The following PTPRF variants were observed in gnomAD, a reference collection of about 807,000 sequenced individuals.
PTPRF encodes the protein protein tyrosine phosphatase receptor type F.
A neutral mutation model predicts 201.8 loss-of-function variants in PTPRF; 59 were observed. The observed-to-expected ratio is 0.29, with a 90% CI of 0.24 to 0.36. PTPRF has a LOEUF of 0.36. PTPRF is among the 10% of genes least tolerant of loss of function. The probability of loss-of-function intolerance (pLI) is 1.00; values close to 1 mark genes in which losing one functional copy is unlikely to be tolerated. For missense variants in PTPRF, 2,132 were observed against 2,690.5 expected (o/e 0.79, Z 4.59); for synonymous variants, 1,088 against 1,089.7 (o/e 1.00, Z 0.03).
At chr1:43,548,339 G>A (rs367585369) in intron 3 of PTPRF, among the ~76,000 whole-genome samples, 7 of 151,940 alleles carry the variant, frequency 4.6e-5, no homozygotes, top group African/African-American at 1.7e-4. Flanking sequence ...GGTGGGTGGC[G>A]GGTGGGTTGA....
At chr1:43,599,381 G>A (rs564356827) in intron 13 of PTPRF, among the ~76,000 whole-genome samples, 3 of 152,166 alleles carry the variant, frequency 2.0e-5, no homozygotes, top group East Asian at 1.9e-4. Context: ...CCACCAGGTC[G>A]GGGTTTTGAG....
intron 22 of PTPRF, among the ~76,000 whole-genome samples, chr1:43,612,446 G>A (rs1656677640): frequency 6.6e-6 from 1 of 152,132 alleles, no homozygotes; most frequent in African/African-American, 2.4e-5. Flanking sequence ...GCAAATTTTG[G>A]TATCAAAAGG....
chr1:43,578,969 C>T (rs762347614), intron 7 of PTPRF, 49 bp downstream of exon 7: 2 of 1,561,834 alleles, frequency 1.3e-6, no homozygotes, highest in Non-Finnish European at 1.8e-6. Flanking sequence ...AGCTGTGCTG[C>T]ACCTGCCGGG....
At chr1:43,606,493 A>G in intron 20 of PTPRF, 35 bp downstream of exon 20, 1 of 1,579,394 alleles carries the variant, frequency 6.3e-7, no homozygotes, top group Non-Finnish European at 8.7e-7. Flanking sequence ...CAGCACCCTG[A>G]TTCCCTGGGC....
intron 23 of PTPRF, among the ~76,000 whole-genome samples, chr1:43,616,001 T>C (rs1486646386): frequency 6.6e-6 from 1 of 151,902 alleles, no homozygotes; most frequent in African/African-American, 2.4e-5. Context: ...TAATCAGCAT[T>C]GAATATGTGA....
At chr1:43,574,831 G>T (rs1284507725) in intron 6 of PTPRF, among the ~76,000 whole-genome samples, 1 of 152,186 alleles carries the variant, frequency 6.6e-6, no homozygotes, top group East Asian at 1.9e-4. Context: ...TGAGTTAGAT[G>T]GACCTTGTCA....
chr1:43,532,738 A>G (rs1020226417), intron 1 of PTPRF: 2 of 154,262 alleles, frequency 1.3e-5, no homozygotes, highest in South Asian at 2.0e-4. Context: ...TTTTTTACTG[A>G]TTATATGAAT....
At chr1:43,549,203 G>A (rs1016083917) in intron 3 of PTPRF, among the ~76,000 whole-genome samples, 1 of 152,240 alleles carries the variant, frequency 6.6e-6, no homozygotes, top group Admixed American at 6.5e-5. Context: ...GTGGCACCCT[G>A]TTGACCCAGT....
intron 30 of PTPRF, 76 bp downstream of exon 30, chr1:43,620,297 A>G (rs945241625): frequency 3.8e-6 from 6 of 1,582,844 alleles, no homozygotes; most frequent in Non-Finnish European, 4.3e-6. Flanking sequence ...GCTGCCGCCT[A>G]TGTTACTGTC....
chr1:43,575,256 G>C (rs1035746805), intron 6 of PTPRF, among the ~76,000 whole-genome samples: 3 of 152,230 alleles, frequency 2.0e-5, no homozygotes, highest in Admixed American at 1.3e-4. Context: ...ACAGGAAAAG[G>C]GTGGGCCCTG....
In PTPRF at chr1:43,605,571, G is replaced by C; in HGVS notation, c.3432G>C (p.Gly1144=). 6.2e-7 allele frequency: 1 copy of C among 1,614,150 alleles called. No homozygotes were observed. Among genetic ancestry groups the C allele is most frequent in the Middle Eastern group, 1.6e-4 (1 of 6,062 alleles). The change falls in exon 19 of 34, where the codon GGG becomes GGC. Residue 1144 remains glycine (G), a synonymous_variant. Coordinates refer to ENST00000359947, the MANE Select transcript of PTPRF (RefSeq NM_002840.5). The stretch of plus-strand genomic sequence containing the variant: ...TGGTGCCCATTGACCGTGTGGGCGG[G>C]AGCATGCTGACGCCAAGGTGGAGCA... ...IVVVPIDRVG[G]SMLTPRWSTP... is the part of the protein sequence containing the mutation.
At chr1:43,610,562 C>T (rs1272755642) in intron 22 of PTPRF, among the ~76,000 whole-genome samples, 2 of 152,252 alleles carry the variant, frequency 1.3e-5, no homozygotes, top group African/African-American at 2.4e-5. Flanking sequence ...TGGCCAAGTA[C>T]AGCCCACCAC....
upstream of PTPRF, among the ~76,000 whole-genome samples, chr1:43,527,304 C>T (rs946635821): frequency 2.6e-5 from 4 of 152,230 alleles, no homozygotes; most frequent in Admixed American, 1.3e-4. Flanking sequence ...GGCAGCCCCA[C>T]GTGGACCCCG....
intron 5 of PTPRF, among the ~76,000 whole-genome samples, chr1:43,566,077 A>C (rs749891222): frequency 1.3e-5 from 2 of 152,172 alleles, no homozygotes; most frequent in Non-Finnish European, 1.5e-5. Flanking sequence ...CGGTAGATGC[A>C]AACGCCGCGG....
chr1:43,536,977 G>T (rs1399045836), intron 1 of PTPRF, among the ~76,000 whole-genome samples: 1 of 152,210 alleles, frequency 6.6e-6, no homozygotes, highest in African/African-American at 2.4e-5. Flanking sequence ...TCAGTCTTGG[G>T]CCGGTGAGGA....
At chr1:43,556,688 C>A (rs929926650) in intron 5 of PTPRF, among the ~76,000 whole-genome samples, 2 of 152,338 alleles carry the variant, frequency 1.3e-5, no homozygotes, top group Middle Eastern at 3.4e-3. Context: ...ATGCCTCTGA[C>A]CCTCATTTGC....
intron 23 of PTPRF, among the ~76,000 whole-genome samples, chr1:43,616,321 C>T (rs1200206282): frequency 1.3e-5 from 2 of 151,164 alleles, no homozygotes; most frequent in Non-Finnish European, 2.9e-5. Flanking sequence ...CTCACTAACG[C>T]TTCGCTATTA....
At chr1:43,527,624 G>A (rs974403044), upstream of PTPRF, among the ~76,000 whole-genome samples, 1 of 152,248 alleles carries the variant, frequency 6.6e-6, no homozygotes, top group Non-Finnish European at 1.5e-5. Context: ...GCAAGAGACT[G>A]GTTGGCACAG....
chr1:43,558,125 C>T (rs913316082), intron 5 of PTPRF, among the ~76,000 whole-genome samples: 1 of 152,054 alleles, frequency 6.6e-6, no homozygotes, highest in East Asian at 1.9e-4. Context: ...CCACAGGGTA[C>T]GAGGAGGGCT....
Sources: allele counts gnomAD v4.1 joint callset (sites outside exome capture counted in the v4.1 genomes callset), GRCh38; gene constraint gnomAD v4.1.1; transcripts MANE v1.5; gene names NCBI Gene and HGNC (gene_info 2026-07-23, HGNC 2026-07-21).